LIFR: variants seen among roughly 807,000 people sequenced by gnomAD.
The protein encoded by LIFR is leukemia inhibitory factor receptor.
A neutral mutation model predicts 122.2 loss-of-function variants in LIFR; 84 were observed. The ratio of observed to expected loss-of-function variants is 0.69; its 90% CI spans 0.58 to 0.82. LIFR has a LOEUF of 0.82. LIFR is among the 40% of genes least tolerant of loss of function. LIFR has a pLI of 0.00. For synonymous variants in LIFR, 422 were observed against 434.7 expected (o/e 0.97, Z 0.36); for missense variants, 1,294 against 1,311.6 (o/e 0.99, Z 0.21).
intron 1 of LIFR, among the ~76,000 whole-genome samples, chr5:38,581,227 A>G (rs867612278): frequency 6.6e-6 from 1 of 152,112 alleles, no homozygotes; most frequent in Non-Finnish European, 1.5e-5. Context: ...CTAAGAAAAA[A>G]AAAAACTTAT....
intron 1 of LIFR, among the ~76,000 whole-genome samples, chr5:38,537,219 G>A (rs1580140019): frequency 6.6e-6 from 1 of 152,286 alleles, no homozygotes; most frequent in East Asian, 1.9e-4. Flanking sequence ...TGTGGGCACA[G>A]CCCTTCGAGA....
chr5:38,522,943 C>T (rs1419125317), intron 5 of LIFR, among the ~76,000 whole-genome samples: 1 of 152,030 alleles, frequency 6.6e-6, no homozygotes, highest in African/African-American at 2.4e-5. Context: ...TCCTTAGAGG[C>T]CATTCATAAA....
At position 38,479,553 on chromosome 5, in the gene LIFR, T is replaced by C. The variant is rs551424232; in HGVS notation, c.*2042A>G. ...TCAAACAATCTCTTCTGGCCTTTTC[T>C]CATTATCTCAGGTTAGCGCCGTTTA... On this transcript the variant is annotated 3_prime_UTR_variant, in exon 20 of 20. Coordinates refer to ENST00000453190, the MANE Select transcript of LIFR (RefSeq NM_001127671.2). 144 of 231,414 alleles carry C rather than the reference T, an allele frequency of 6.2e-4. No homozygotes were observed. The highest frequency in any genetic ancestry group is 9.6e-4 in the Non-Finnish European group (112 of 116,932). The allele number at this position is 231,414 out of a possible 1,614,324, so 14.3% of individuals were successfully genotyped here.
intron 1 of LIFR, among the ~76,000 whole-genome samples, chr5:38,574,290 C>G (rs531210594): frequency 1.3e-5 from 2 of 152,270 alleles, no homozygotes; most frequent in East Asian, 3.9e-4. Context: ...TTCCCTCATG[C>G]TATTTCATCT....
chr5:38,571,529 C>CCA, intron 1 of LIFR, among the ~76,000 whole-genome samples: 1 of 74,696 alleles, frequency 1.3e-5, no homozygotes, highest in South Asian at 6.4e-4. Context: ...CATTCCAGCT[C>CCA]AAAAAAAAAA....
chr5:38,562,957 C>G (rs1193806493), intron 1 of LIFR, among the ~76,000 whole-genome samples: 1 of 152,086 alleles, frequency 6.6e-6, no homozygotes, highest in Non-Finnish European at 1.5e-5. Context: ...AGTAATATCC[C>G]CAGGGTTTTC....
intron 4 of LIFR, among the ~76,000 whole-genome samples, chr5:38,525,792 C>T (rs1260059621): frequency 6.6e-6 from 1 of 152,200 alleles, no homozygotes; most frequent in Non-Finnish European, 1.5e-5. Flanking sequence ...GAGCAAGAGG[C>T]TTCCAAGAAC....
At position 38,475,740 on chromosome 5, in the gene LIFR, GT is replaced by G. The variant is rs946055402; in HGVS notation, c.*5854del. 2 of 188,468 alleles carry G rather than the reference GT, an allele frequency of 1.1e-5. No individual in the cohort carries two copies. Among genetic ancestry groups the G allele is most frequent in the African/African-American group, 4.7e-5 (2 of 42,824 alleles). The allele number at this position is 188,468 out of a possible 1,614,324, so 11.7% of individuals were successfully genotyped here. A position where few individuals can be genotyped will look rare whatever the true frequency, so the allele number is the denominator to read the frequency against. ...AAGTAAAAAAAGGTAATTTCCTAGT[GT>G]TATAAGGACCTTGACTTATGGCCAG... On this transcript the variant is annotated 3_prime_UTR_variant, in exon 20 of 20. Transcript: ENST00000453190.
At chr5:38,543,171 AT>A (rs1325336058) in intron 1 of LIFR, among the ~76,000 whole-genome samples, 1 of 152,034 alleles carries the variant, frequency 6.6e-6, no homozygotes, top group Admixed American at 6.6e-5. Context: ...GAAAAGGTTA[AT>A]AAGAATGATA....
intron 11 of LIFR, among the ~76,000 whole-genome samples, chr5:38,500,611 A>G (rs968255365): frequency 7.9e-5 from 12 of 152,216 alleles, no homozygotes; most frequent in Non-Finnish European, 1.3e-4. Flanking sequence ...GGAGCATTTC[A>G]GGTTTTCAGA....
At chr5:38,553,092 T>C (rs1368980477) in intron 1 of LIFR, among the ~76,000 whole-genome samples, 1 of 152,132 alleles carries the variant, frequency 6.6e-6, no homozygotes, top group Non-Finnish European at 1.5e-5. Flanking sequence ...AGCTCTCTCC[T>C]TTCCTTTCAC....
At chr5:38,552,808 C>A (rs1376125154) in intron 1 of LIFR, among the ~76,000 whole-genome samples, 1 of 152,152 alleles carries the variant, frequency 6.6e-6, no homozygotes, top group Non-Finnish European at 1.5e-5. Flanking sequence ...CTAAAAGACT[C>A]CCGAATCTAA....
At chr5:38,534,516 T>C (rs1747190135) in intron 1 of LIFR, among the ~76,000 whole-genome samples, 1 of 152,186 alleles carries the variant, frequency 6.6e-6, no homozygotes, top group African/African-American at 2.4e-5. Flanking sequence ...CAAAGATGTA[T>C]GCAAAATTTA....
rs773903265 is a variant in LIFR at position 38,510,675 on chromosome 5, C to G, written c.780G>C (p.Val260=). The G allele has an allele frequency of 1.2e-6, 2 of 1,613,600 alleles. No homozygotes were observed. The highest frequency in any genetic ancestry group is 1.7e-6 in the Non-Finnish European group (2 of 1,179,642). The change falls in exon 7 of 20, where the codon GTG becomes GTC. Residue 260 remains valine, a synonymous_variant. Coordinates refer to ENST00000453190, the MANE Select transcript of LIFR (RefSeq NM_001127671.2). Reference sequence around the variant, plus strand: ...ATGTTATGTCTGAGCCTACAAGTATCACTTTATCTTGAGGAAAAACCTTAG... The same window carrying G: ...ATGTTATGTCTGAGCCTACAAGTATGACTTTATCTTGAGGAAAAACCTTAG... The part of the protein sequence containing the change: ...SQTKVFPQDK[V]ILVGSDITFC...
intron 1 of LIFR, among the ~76,000 whole-genome samples, chr5:38,549,295 A>C (rs1311280949): frequency 6.6e-6 from 1 of 151,302 alleles, no homozygotes; most frequent in East Asian, 2.0e-4. Flanking sequence ...ACACTCCATA[A>C]GCAAAAACAA....
rs946662699 is a variant in LIFR at position 38,475,436 on chromosome 5, TA to T, written c.*6158del. On this transcript the variant is annotated 3_prime_UTR_variant, in exon 20 of 20. Transcript: ENST00000453190. ...GCACATCACAACTGTTTATTCACCT[TA>T]AAAAAATGTCTGTAGTGGTAACATT... The T allele has an allele frequency of 2.5e-5, 5 of 197,442 alleles. No individual in the cohort carries two copies. The highest frequency in any genetic ancestry group is 8.1e-5 in the East Asian group (1 of 12,404). 12.2% of individuals were successfully genotyped at this position (197,442 alleles called of 1,614,324 possible). A position where few individuals can be genotyped will look rare whatever the true frequency, so the allele number is the denominator to read the frequency against.
At chr5:38,594,493 CA>C (rs1750032835) in intron 1 of LIFR, among the ~76,000 whole-genome samples, 2 of 152,088 alleles carry the variant, frequency 1.3e-5, no homozygotes, top group Non-Finnish European at 1.5e-5. Context: ...TCAATTGCAA[CA>C]AATGTACCAC....
At chr5:38,587,437 G>A (rs753567727) in intron 1 of LIFR, among the ~76,000 whole-genome samples, 4 of 151,602 alleles carry the variant, frequency 2.6e-5, no homozygotes, top group African/African-American at 4.9e-5. Flanking sequence ...TGGACAAGAC[G>A]GCCCAGGAGC....
intron 1 of LIFR, among the ~76,000 whole-genome samples, chr5:38,561,895 T>G (rs1748851938): frequency 6.6e-6 from 1 of 152,190 alleles, no homozygotes; most frequent in Admixed American, 6.5e-5. Context: ...TTGTTTAATT[T>G]GAAGAACATG....
Sources: gnomAD v4.1 joint callset for allele counts (sites outside exome capture counted in the v4.1 genomes callset) on GRCh38, gnomAD v4.1.1 for gene constraint, MANE v1.5 for transcripts, NCBI Gene and HGNC (gene_info 2026-07-23, HGNC 2026-07-21) for gene names.